The following THSD4 variants were observed in gnomAD, a reference collection of about 807,000 sequenced individuals.
THSD4 encodes the protein thrombospondin type-1 domain-containing protein 4.
A neutral mutation model predicts 119.0 loss-of-function variants in THSD4; 69 were observed. The observed-to-expected ratio is 0.58, with a 90% CI of 0.48 to 0.71. The LOEUF is 0.71. Ranked by LOEUF, THSD4 falls within the 30% of genes least tolerant of loss-of-function variation. The pLI, the probability that THSD4 is intolerant of heterozygous loss-of-function variation, is 0.00. For synonymous variants in THSD4, 524 were observed against 540.4 expected, an observed-to-expected ratio of 0.97 and a Z score of 0.42; for missense variants, 1,393 against 1,391.1, an observed-to-expected ratio of 1.00 and a Z score of -0.02.
At chr15:71,524,982 C>T (rs2048499582) in intron 7 of THSD4, among the ~76,000 whole-genome samples, 1 of 150,982 alleles carries the variant, frequency 6.6e-6, no homozygotes, top group African/African-American at 2.4e-5. Context: ...TCAAAAGGGG[C>T]CAACCAAGAT....
At chr15:71,257,138 T>C (rs1318462946) in intron 6 of THSD4, among the ~76,000 whole-genome samples, 1 of 152,120 alleles carries the variant, frequency 6.6e-6, no homozygotes, top group African/African-American at 2.4e-5. Context: ...TGTATGGTTC[T>C]CACCTGTAGG....
chr15:71,584,097 AATT>A (rs1341810828), intron 7 of THSD4, among the ~76,000 whole-genome samples: 2 of 151,986 alleles, frequency 1.3e-5, no homozygotes, highest in Non-Finnish European at 2.9e-5. Context: ...ATGTATTTAT[AATT>A]ATTATATTCT....
At chr15:71,525,427 G>T (rs150433209) in intron 7 of THSD4, among the ~76,000 whole-genome samples, 131 of 152,328 alleles carry the variant, frequency 8.6e-4, no homozygotes, top group African/African-American at 3.0e-3. Context: ...GTGGAAATAT[G>T]CAGGAGGCAG....
chr15:71,547,348 G>A (rs1248889388), intron 7 of THSD4: 1 of 1,546,318 alleles, frequency 6.5e-7, no homozygotes, highest in Non-Finnish European at 8.7e-7. Context: ...AAGTGCATCT[G>A]CTAGCTGTTA....
At chr15:71,172,939 T>C (rs2043396419) in intron 3 of THSD4, among the ~76,000 whole-genome samples, 1 of 151,474 alleles carries the variant, frequency 6.6e-6, no homozygotes, top group Non-Finnish European at 1.5e-5. Flanking sequence ...ACGGTGAACA[T>C]CATACTCAAT....
chr15:71,139,324 A>T (rs529103906), intron 1 of THSD4, among the ~76,000 whole-genome samples: 1 of 152,154 alleles, frequency 6.6e-6, no homozygotes, highest in Non-Finnish European at 1.5e-5. Context: ...CCTACCACCT[A>T]TTGAGTAAAT....
intron 8 of THSD4, among the ~76,000 whole-genome samples, chr15:71,698,602 C>T (rs182502731): frequency 3.2e-4 from 46 of 143,346 alleles, no homozygotes; most frequent in African/African-American, 1.0e-3. Flanking sequence ...TATTTATAGA[C>T]GAATGGATGA....
intron 2 of THSD4, among the ~76,000 whole-genome samples, chr15:71,152,904 AG>A (rs764780299): frequency 1.3e-5 from 2 of 152,062 alleles, no homozygotes; most frequent in Non-Finnish European, 2.9e-5. Flanking sequence ...ACTTTCTAGG[AG>A]GGGGGTCACC....
chr15:71,436,810 T>C (rs1299729544), intron 7 of THSD4, among the ~76,000 whole-genome samples: 1 of 152,170 alleles, frequency 6.6e-6, no homozygotes, highest in African/African-American at 2.4e-5. Flanking sequence ...GAGGGAAATG[T>C]GGCAATTTGA....
At chr15:71,692,487 A>T (rs1034455518) in intron 8 of THSD4, among the ~76,000 whole-genome samples, 8 of 152,102 alleles carry the variant, frequency 5.3e-5, no homozygotes, top group Non-Finnish European at 1.2e-4. Context: ...GTTTTGTTTC[A>T]TTCACCGAGT....
intron 17 of THSD4, among the ~76,000 whole-genome samples, chr15:71,774,371 A>G (rs959502842): frequency 6.6e-6 from 1 of 152,084 alleles, no homozygotes; most frequent in African/African-American, 2.4e-5. Context: ...GTAATCAGAA[A>G]TGCAAATTTT....
chr15:71,443,069 G>A (rs1383370272), intron 7 of THSD4, among the ~76,000 whole-genome samples: 1 of 152,206 alleles, frequency 6.6e-6, no homozygotes, highest in East Asian at 1.9e-4. Context: ...GAGAAAGGGG[G>A]AGAAAGAGGG....
At chr15:71,238,270 A>T (rs551173986) in intron 4 of THSD4, among the ~76,000 whole-genome samples, 7 of 152,366 alleles carry the variant, frequency 4.6e-5, no homozygotes, top group African/African-American at 1.4e-4. Context: ...ACTTTACAAC[A>T]TCCTTGTAAG....
At chr15:71,352,153 C>T (rs1014782499) in intron 6 of THSD4, among the ~76,000 whole-genome samples, 1 of 152,162 alleles carries the variant, frequency 6.6e-6, no homozygotes, top group Non-Finnish European at 1.5e-5. Flanking sequence ...CTTTCCTGTC[C>T]TCTTTGTCCT....
intron 7 of THSD4, among the ~76,000 whole-genome samples, chr15:71,452,111 A>G (rs1418109114): frequency 6.6e-6 from 1 of 152,102 alleles, no homozygotes; most frequent in Non-Finnish European, 1.5e-5. Context: ...CCAGGCTCCC[A>G]GCTCTGGCCA....
At chr15:71,306,292 G>C (rs892880234) in intron 6 of THSD4, among the ~76,000 whole-genome samples, 24 of 101,428 alleles carry the variant, frequency 2.4e-4, no homozygotes, top group Non-Finnish European at 3.5e-4. Context: ...GGTGATAAGA[G>C]CAAGACTCTT....
At chr15:71,593,913 C>CA (rs2049856949) in intron 7 of THSD4, among the ~76,000 whole-genome samples, 1 of 56,680 alleles carries the variant, frequency 1.8e-5, no homozygotes, top group Non-Finnish European at 5.3e-5. Flanking sequence ...CCCCTTCCCA[C>CA]CCCCCCGGCA....
intron 6 of THSD4, among the ~76,000 whole-genome samples, chr15:71,393,124 C>G (rs148851832): frequency 0.024 from 3,678 of 151,972 alleles, 56 homozygotes; most frequent in Admixed American, 0.054. Flanking sequence ...GGAATGAAAG[C>G]CAAGCTTACT....
chr15:71,122,384 A>G (rs574374354), intron 1 of THSD4, among the ~76,000 whole-genome samples: 2 of 152,280 alleles, frequency 1.3e-5, no homozygotes, highest in East Asian at 1.9e-4. Context: ...TGATGTTTCA[A>G]TTTCAAGTCA....
Sources: gnomAD v4.1 joint callset for allele counts (sites outside exome capture counted in the v4.1 genomes callset) on GRCh38, gnomAD v4.1.1 for gene constraint, MANE v1.5 for transcripts, NCBI Gene and HGNC (gene_info 2026-07-23, HGNC 2026-07-21) for gene names.